The following NEMF variants were observed in gnomAD, a reference collection of about 807,000 sequenced individuals.
NEMF encodes nuclear export mediator factor.
In NEMF, 89 loss-of-function variants were observed where a neutral mutation model predicts 162.2. The ratio of observed to expected loss-of-function variants is 0.55; its 90% CI spans 0.46 to 0.65. The LOEUF is 0.65. NEMF is among the 30% of genes least tolerant of loss of function. NEMF has a pLI of 0.00. For synonymous variants in NEMF, 421 were observed against 404.5 expected (o/e 1.04, Z -0.49); for missense variants, 1,133 against 1,261.9 (o/e 0.90, Z 1.55).
chr14:49,839,207 A>G (rs1893070948), intron 5 of NEMF, among the ~76,000 whole-genome samples: 1 of 151,536 alleles, frequency 6.6e-6, no homozygotes, highest in Non-Finnish European at 1.5e-5. Context: ...CCTCCCAAAT[A>G]GCTGAAATTA....
chr14:49,819,240 T>C (rs1057284951), intron 16 of NEMF, among the ~76,000 whole-genome samples: 1 of 152,116 alleles, frequency 6.6e-6, no homozygotes, highest in Non-Finnish European at 1.5e-5. Context: ...CAATACTGTA[T>C]TACATATTGG....
chr14:49,849,188 A>C (rs1893656387), intron 3 of NEMF, among the ~76,000 whole-genome samples: 1 of 152,220 alleles, frequency 6.6e-6, no homozygotes, highest in Non-Finnish European at 1.5e-5. Context: ...TTAAATCCCT[A>C]GAGGAAAATC....
intron 28 of NEMF, among the ~76,000 whole-genome samples, chr14:49,787,745 TTG>T (rs1890244871): frequency 1.3e-5 from 2 of 152,204 alleles, no homozygotes; most frequent in Non-Finnish European, 2.9e-5. Context: ...TAGTGAGTAT[TTG>T]TGAGTCTAGG....
intron 6 of NEMF, among the ~76,000 whole-genome samples, chr14:49,836,562 C>T (rs116321407): frequency 0.022 from 3,285 of 151,870 alleles, 136 homozygotes; most frequent in African/African-American, 0.075. Flanking sequence ...CAGGAGATGG[C>T]CTGAACCTGG....
chr14:49,811,426 ATT>A (rs61609685), intron 18 of NEMF, among the ~76,000 whole-genome samples: 2 of 151,860 alleles, frequency 1.3e-5, no homozygotes, highest in Non-Finnish European at 2.9e-5. Flanking sequence ...CCTAATTTGG[ATT>A]TTTTTTTCTT....
At chr14:49,814,671 T>C in intron 17 of NEMF, 83 bp downstream of exon 17, 1 of 682,058 alleles carries the variant, frequency 1.5e-6, no homozygotes, top group Non-Finnish European at 2.5e-6. Context: ...CAGAAGAGTA[T>C]AACAAGAAAA....
At chr14:49,828,942 T>C in intron 13 of NEMF, 112 bp downstream of exon 13, 1 of 1,322,820 alleles carries the variant, frequency 7.6e-7, no homozygotes, top group African/African-American at 1.5e-5. Context: ...AATTAGTTTT[T>C]TCCCTTTCTT....
In NEMF at chr14:49,828,662, G is replaced by A. The variant is rs1392995911; in HGVS notation, c.1378C>T (p.Leu460Phe). 6.3e-7 allele frequency: 1 copy of A among 1,595,468 alleles called. No homozygotes were observed. Among genetic ancestry groups the A allele is most frequent in the Non-Finnish European group, 8.5e-7 (1 of 1,175,384 alleles). The change falls in exon 14 of 33, where the codon CTT becomes TTT. Residue 460 changes from leucine to phenylalanine, a missense_variant. Physicochemically the swap from Leu to Phe is conservative, Grantham distance 22. This residue lies in a region of NEMF where 582 missense variants were observed against 631.5 expected (regional missense o/e 0.92). Coordinates refer to ENST00000298310, the MANE Select transcript of NEMF (RefSeq NM_004713.6). The stretch of plus-strand genomic sequence containing the variant: ...GACAAGCTGAGATCAACATCTACAA[G>A]TAAGGGCTTATTTTTCTGAGGCTTC... ...LQKPQKNKPLLVDVDLSLSAY... is the reference protein window; with the variant it reads ...LQKPQKNKPLFVDVDLSLSAY...
intron 26 of NEMF, among the ~76,000 whole-genome samples, chr14:49,793,567 A>G (rs912690009): frequency 6.6e-6 from 1 of 152,256 alleles, no homozygotes; most frequent in African/African-American, 2.4e-5. Flanking sequence ...ATGTATTTTA[A>G]TAAACATTCT....
chr14:49,804,544 A>G (rs1318291551), intron 19 of NEMF, among the ~76,000 whole-genome samples: 1 of 151,896 alleles, frequency 6.6e-6, no homozygotes. Flanking sequence ...GTGGGTGCCT[A>G]TAATCCCAGC....
At chr14:49,843,872 G>A (rs538733682) in intron 4 of NEMF, among the ~76,000 whole-genome samples, 1 of 152,332 alleles carries the variant, frequency 6.6e-6, no homozygotes, top group African/African-American at 2.4e-5. Flanking sequence ...GCCAAGGCGA[G>A]CAGATCACCT....
intron 15 of NEMF, among the ~76,000 whole-genome samples, chr14:49,826,877 C>T (rs976205118): frequency 6.6e-5 from 10 of 151,998 alleles, no homozygotes; most frequent in South Asian, 2.1e-4. Context: ...TAGTAATGAG[C>T]GGTCAAGGAA....
chr14:49,828,318 T>A lies in NEMF; in HGVS notation c.1461A>T (p.Thr487=), dbSNP rs142265908. 1.6e-5 allele frequency: 26 copies of A among 1,605,626 alleles called. No homozygotes were observed. The African/African-American group carries it at 3.4e-4, about 21-fold the overall frequency. The stretch of plus-strand genomic sequence containing the variant: ...TCTCAGCAGCTTCAACAGTCTTTTG[T>A]GTTTTCTTAGCAGCATATCTCTTGT... ...YDHKRYAAKK[T]QKTVEAAEKA... Residue 487 remains threonine (T), a synonymous_variant, in exon 15 of 33, where the codon ACA becomes ACT. Transcript: ENST00000298310.
intron 5 of NEMF, among the ~76,000 whole-genome samples, chr14:49,840,344 C>T (rs1422413662): frequency 6.6e-6 from 1 of 152,014 alleles, no homozygotes; most frequent in Admixed American, 6.6e-5. Flanking sequence ...CGCCTATAGT[C>T]CCAGCTACTC....
chr14:49,806,829 T>G (rs1312673913), intron 18 of NEMF, among the ~76,000 whole-genome samples: 1 of 152,186 alleles, frequency 6.6e-6, no homozygotes, highest in Non-Finnish European at 1.5e-5. Flanking sequence ...GAAGAGCATA[T>G]ATGAATAACA....
chr14:49,789,036 A>C, intron 28 of NEMF, 110 bp downstream of exon 28: 1 of 796,822 alleles, frequency 1.3e-6, no homozygotes, highest in East Asian at 2.4e-5. Flanking sequence ...TCCATTAAGA[A>C]TAGGGTTACT....
At chr14:49,791,915 T>G (rs1472951542) in intron 26 of NEMF, among the ~76,000 whole-genome samples, 2 of 151,484 alleles carry the variant, frequency 1.3e-5, no homozygotes, top group Non-Finnish European at 2.9e-5. Context: ...AAAACCAACT[T>G]CAAAAAAAAT....
At chr14:49,831,468 C>G in intron 10 of NEMF, 107 bp from the exon 11 acceptor site, 3 of 710,850 alleles carry the variant, frequency 4.2e-6, no homozygotes, top group Non-Finnish European at 7.3e-6. Context: ...GACAGAGTCT[C>G]ACTCTGTTGC....
intron 8 of NEMF, 149 bp downstream of exon 8, chr14:49,833,274 A>AC: frequency 2.1e-6 from 1 of 467,666 alleles, no homozygotes; most frequent in Non-Finnish European, 3.7e-6. Context: ...AAAAAACAAA[A>AC]CAAAAAAACT....
Sources: allele counts gnomAD v4.1 joint callset (sites outside exome capture counted in the v4.1 genomes callset), GRCh38; gene constraint gnomAD v4.1.1; regional missense constraint gnomAD v4.1.1; transcripts MANE v1.5; gene names NCBI Gene and HGNC (gene_info 2026-07-23, HGNC 2026-07-21).